Variants in ZC3H15 observed in about 807,000 individuals in gnomAD.
ZC3H15 encodes the protein zinc finger CCCH-type containing 15.
ZC3H15 carries 15 observed loss-of-function variants against 51.2 expected under a neutral mutation model. That is an observed-to-expected ratio of 0.29 (90% CI 0.20 to 0.45). The LOEUF (loss-of-function observed/expected upper bound fraction) is 0.45, where lower values mean the gene tolerates loss of function less well. Ranked by LOEUF, ZC3H15 falls within the 20% of genes least tolerant of loss-of-function variation. The pLI is 1.00. For synonymous variants in ZC3H15, 144 were observed against 162.8 expected, an observed-to-expected ratio of 0.88 and a Z score of 0.88; for missense variants, 381 against 494.7, an observed-to-expected ratio of 0.77 and a Z score of 2.18.
chr2:186,490,898 T>C (rs1685186771), intron 1 of ZC3H15, among the ~76,000 whole-genome samples: 1 of 152,218 alleles, frequency 6.6e-6, no homozygotes, highest in African/African-American at 2.4e-5. Flanking sequence ...GTTCCTTTAC[T>C]ATCATGTTAA....
Position 186,504,297 on chromosome 2 carries a change from C to T in ZC3H15, c.717+83C>T, listed in dbSNP as rs1685433056. 2.3e-5 allele frequency: 28 copies of T among 1,195,268 alleles called. No individual in the cohort carries two copies. The South Asian group carries it at 5.0e-4, about 21-fold the overall frequency. 74.0% of individuals were successfully genotyped at this position (1,195,268 alleles called of 1,614,324 possible). ...TAATACTTACCACTTGGGGCAATAGCCTTTTATGAAAGGAAAAAAAAAATA... is the reference window on the plus strand; with the variant it reads ...TAATACTTACCACTTGGGGCAATAGTCTTTTATGAAAGGAAAAAAAAAATA... On this transcript the variant is annotated intron_variant, in intron 6 of 9. Coordinates refer to ENST00000337859, the MANE Select transcript of ZC3H15 (RefSeq NM_018471.3).
At chr2:186,505,305 T>TA (rs1232219527) in intron 6 of ZC3H15, 146 bp from the exon 7 acceptor site, 4 of 967,642 alleles carry the variant, frequency 4.1e-6, no homozygotes, top group Admixed American at 3.7e-5. Flanking sequence ...CCACGTAAAG[T>TA]AAAAAAATAC....
chr2:186,505,625 T>G (rs1685454566), intron 7 of ZC3H15, 28 bp downstream of exon 7: 2 of 1,596,998 alleles, frequency 1.3e-6, no homozygotes, highest in South Asian at 2.2e-5. Flanking sequence ...CCAAACTGAT[T>G]CTTTATTCTT....
chr2:186,497,228 AT>A lies in ZC3H15; in HGVS notation c.177+1900del, dbSNP rs1307942276. ...GAAAGAATTTCTCATGTGTTTACAGATTTTTTAAAAATCTGCTAATATGTAT... is the reference window on the plus strand; with the variant it reads ...GAAAGAATTTCTCATGTGTTTACAGATTTTTAAAAATCTGCTAATATGTAT... On this transcript the variant is annotated intron_variant, in intron 2 of 9. Coordinates refer to ENST00000337859, the MANE Select transcript of ZC3H15 (RefSeq NM_018471.3). 3.2e-5 allele frequency: 12 copies of A among 379,918 alleles called. No homozygotes were observed. The East Asian group carries it at 9.0e-4, about 28-fold the overall frequency. 23.5% of individuals were successfully genotyped at this position (379,918 alleles called of 1,614,324 possible).
Position 186,508,525 on chromosome 2 carries a change from T to C in ZC3H15, c.1091-18T>C. 1 of 1,611,860 alleles carries C rather than the reference T, an allele frequency of 6.2e-7. No homozygotes were observed. Among genetic ancestry groups the C allele is most frequent in the Non-Finnish European group, 8.5e-7 (1 of 1,178,556 alleles). ...TTTTCTGCTTCTACGCCTTACTGAT[T>C]CCAGTTTTTATATTTAGAAAACAAA... On this transcript the variant is annotated intron_variant, in intron 9 of 9. Transcript: ENST00000337859.
At chr2:186,504,265 G>GA (rs779689730) in intron 6 of ZC3H15, 51 bp downstream of exon 6, 2 of 1,442,916 alleles carry the variant, frequency 1.4e-6, no homozygotes, top group Admixed American at 4.9e-5. Context: ...TATTTATTGT[G>GA]AAATTCTAAT....
chr2:186,486,605 T>A (rs1019974709), intron 1 of ZC3H15, 148 bp downstream of exon 1: 9 of 766,772 alleles, frequency 1.2e-5, no homozygotes, highest in Non-Finnish European at 1.7e-5. Context: ...CTCCAGCCCC[T>A]GATGACGCTA....
intron 9 of ZC3H15, chr2:186,507,419 G>A: frequency 2.2e-6 from 1 of 456,622 alleles, no homozygotes; most frequent in South Asian, 1.5e-5. Flanking sequence ...CATGGGAAGG[G>A]CTTTTTAGGA....
chr2:186,487,894 A>T (rs1324166528), intron 1 of ZC3H15, among the ~76,000 whole-genome samples: 3 of 152,230 alleles, frequency 2.0e-5, no homozygotes, highest in Non-Finnish European at 4.4e-5. Flanking sequence ...AATTAGTAGG[A>T]CTAGTATTCT....
chr2:186,501,151 C>T (rs1685376355), intron 3 of ZC3H15, 122 bp from the exon 4 acceptor site: 4 of 979,704 alleles, frequency 4.1e-6, no homozygotes, highest in East Asian at 2.6e-5. Flanking sequence ...CCATAAGTGC[C>T]GTTTTCCTCT....
chr2:186,500,617 G>A (rs1324849873), intron 3 of ZC3H15: 4 of 502,154 alleles, frequency 8.0e-6, no homozygotes, highest in East Asian at 1.1e-4. Context: ...TACGTCCCAA[G>A]TTTTTGGCAC....
At chr2:186,494,463 A>G (rs1381135816) in intron 1 of ZC3H15, among the ~76,000 whole-genome samples, 1 of 152,228 alleles carries the variant, frequency 6.6e-6, no homozygotes, top group African/African-American at 2.4e-5. Flanking sequence ...ACTCTGAGTA[A>G]AAATGGATTC....
intron 1 of ZC3H15, among the ~76,000 whole-genome samples, chr2:186,494,730 A>G (rs1404433305): frequency 1.3e-5 from 2 of 152,156 alleles, no homozygotes; most frequent in Non-Finnish European, 2.9e-5. Flanking sequence ...ACAAAAAACC[A>G]AACACCTCAT....
intron 8 of ZC3H15, 150 bp from the exon 9 acceptor site, chr2:186,506,563 A>T (rs762754881): frequency 6.2e-5 from 50 of 812,032 alleles, no homozygotes; most frequent in Non-Finnish European, 8.8e-5. Context: ...AAGTGTTGGG[A>T]TTACAGGTGT....
At chr2:186,487,330 T>G (rs951970630) in intron 1 of ZC3H15, 4 of 152,186 alleles carry the variant, frequency 2.6e-5, no homozygotes, top group African/African-American at 9.7e-5. Context: ...TATTTGACAT[T>G]ACGTAAACAT....
intron 1 of ZC3H15, chr2:186,487,042 A>G (rs1276614966): frequency 6.6e-6 from 1 of 152,374 alleles, no homozygotes; most frequent in Non-Finnish European, 1.5e-5. Flanking sequence ...TACATTCTGA[A>G]GTGGATTAAA....
chr2:186,500,140 G>C (rs1420817245), intron 2 of ZC3H15, 42 bp from the exon 3 acceptor site: 2 of 1,547,850 alleles, frequency 1.3e-6, no homozygotes, highest in East Asian at 4.5e-5. Context: ...AAACAATTTT[G>C]TAAACAATCA....
chr2:186,506,714 T>C lies in ZC3H15; in HGVS notation c.968T>C (p.Val323Ala). The C allele has an allele frequency of 6.2e-7, 1 of 1,607,864 alleles. No homozygotes were observed. Among genetic ancestry groups the C allele is most frequent in the Non-Finnish European group, 8.5e-7 (1 of 1,177,216 alleles). ...RYTQGTGGDEVDDSVSVNDID... is the reference protein window; with the variant it reads ...RYTQGTGGDEADDSVSVNDID... Reference sequence around the variant, plus strand: ...TTTCTTTTCTATATGTTGTTAAAGGTTGATGATTCAGTGAGTGTAAATGAC... The same window carrying C: ...TTTCTTTTCTATATGTTGTTAAAGGCTGATGATTCAGTGAGTGTAAATGAC... The change falls in exon 9 of 10, where the codon GTT (valine) becomes GCT (alanine). Residue 323 changes from valine (V) to alanine (A), a missense_variant and splice_region_variant. This residue lies in a region of ZC3H15 where 215 missense variants were observed against 241.8 expected (regional missense o/e 0.89). Transcript: ENST00000337859.
At chr2:186,499,601 C>G (rs1685343254) in intron 2 of ZC3H15, 1 of 455,620 alleles carries the variant, frequency 2.2e-6, no homozygotes, top group South Asian at 1.6e-5. Context: ...TCATTGTATT[C>G]TCTGTCATCT....
Sources: allele counts gnomAD v4.1 joint callset (sites outside exome capture counted in the v4.1 genomes callset), GRCh38; gene constraint gnomAD v4.1.1; regional missense constraint gnomAD v4.1.1; transcripts MANE v1.5; gene names NCBI Gene and HGNC (gene_info 2026-07-23, HGNC 2026-07-21).